Variants in THSD4 observed in about 807,000 individuals in gnomAD.
The protein encoded by THSD4 is thrombospondin type-1 domain-containing protein 4.
Under a neutral mutation model 119.0 loss-of-function variants are expected in THSD4, and 69 were observed. That is an observed-to-expected ratio of 0.58 (90% CI 0.48 to 0.71). The LOEUF (loss-of-function observed/expected upper bound fraction) is 0.71, where lower values mean the gene tolerates loss of function less well. Ranked by LOEUF, THSD4 falls within the 30% of genes least tolerant of loss-of-function variation. The pLI is 0.00. For synonymous variants in THSD4, 524 were observed against 540.4 expected (o/e 0.97, Z 0.42); for missense variants, 1,393 against 1,391.1 (o/e 1.00, Z -0.02).
intron 6 of THSD4, among the ~76,000 whole-genome samples, chr15:71,356,073 G>T (rs951710123): frequency 6.6e-5 from 10 of 152,026 alleles, no homozygotes; most frequent in African/African-American, 2.4e-4. Flanking sequence ...TCACCGTGTT[G>T]CCCAAACTGG....
chr15:71,528,715 G>A (rs1368609871), intron 7 of THSD4, among the ~76,000 whole-genome samples: 1 of 152,176 alleles, frequency 6.6e-6, no homozygotes, highest in Non-Finnish European at 1.5e-5. Context: ...AAAATCAACT[G>A]ATAGAGATGA....
intron 7 of THSD4, among the ~76,000 whole-genome samples, chr15:71,532,301 T>G (rs1294842176): frequency 9.0e-6 from 1 of 111,294 alleles, no homozygotes; most frequent in African/African-American, 2.9e-5. Flanking sequence ...TGTGTGTGTG[T>G]GTGTGTGTGT....
chr15:71,475,715 G>C (rs1288692643), intron 7 of THSD4, among the ~76,000 whole-genome samples: 1 of 152,170 alleles, frequency 6.6e-6, no homozygotes, highest in East Asian at 1.9e-4. Context: ...CTGAGGCCAG[G>C]AGTTCGAGAC....
At chr15:71,651,943 C>A (rs956750675) in intron 7 of THSD4, among the ~76,000 whole-genome samples, 43 of 152,320 alleles carry the variant, frequency 2.8e-4, no homozygotes, top group South Asian at 1.0e-3. Context: ...AAGATGCCGG[C>A]GTGAATCTCC....
intron 8 of THSD4, among the ~76,000 whole-genome samples, chr15:71,712,194 G>C (rs1248351617): frequency 6.6e-6 from 1 of 151,240 alleles, no homozygotes; most frequent in East Asian, 1.9e-4. Context: ...CTGGAAATCA[G>C]TAACAGAAAG....
At chr15:71,246,966 T>C (rs1057430344) in intron 5 of THSD4, among the ~76,000 whole-genome samples, 2 of 144,152 alleles carry the variant, frequency 1.4e-5, no homozygotes, top group Admixed American at 1.4e-4. Flanking sequence ...CTCAGGTCAC[T>C]ACAACCTCCA....
intron 7 of THSD4, among the ~76,000 whole-genome samples, chr15:71,457,521 G>T (rs2047357640): frequency 6.6e-6 from 1 of 151,976 alleles, no homozygotes; most frequent in Non-Finnish European, 1.5e-5. Context: ...TCCTTTCAAG[G>T]TCTGGCTCCT....
intron 1 of THSD4, chr15:71,110,217 C>G (rs1471130475): frequency 6.6e-6 from 1 of 152,176 alleles, no homozygotes; most frequent in Non-Finnish European, 1.5e-5. Flanking sequence ...GAGAGTCTCC[C>G]AGGAAGGAAA....
intron 7 of THSD4, among the ~76,000 whole-genome samples, chr15:71,659,270 C>T (rs1275525602): frequency 6.6e-6 from 1 of 152,190 alleles, no homozygotes; most frequent in East Asian, 1.9e-4. Context: ...CTTCCATCTG[C>T]TCATGGAAAA....
intron 6 of THSD4, among the ~76,000 whole-genome samples, chr15:71,340,877 G>A (rs886065836): frequency 6.6e-6 from 1 of 152,098 alleles, no homozygotes; most frequent in Non-Finnish European, 1.5e-5. Context: ...TAGGATTACA[G>A]GCGTGAGCCA....
intron 6 of THSD4, among the ~76,000 whole-genome samples, chr15:71,272,303 A>T (rs536458977): frequency 2.0e-4 from 30 of 150,268 alleles, no homozygotes; most frequent in Non-Finnish European, 4.4e-5. Context: ...CGGGAGGCCA[A>T]AGCCGAATTG....
At chr15:71,586,527 A>G (rs982648601) in intron 7 of THSD4, among the ~76,000 whole-genome samples, 5 of 152,158 alleles carry the variant, frequency 3.3e-5, no homozygotes, top group Non-Finnish European at 5.9e-5. Flanking sequence ...TGAGAGTCCT[A>G]AAGGCCACCC....
rs1260464998 is a variant in THSD4 at position 71,416,437 on chromosome 15, T to G, written c.1152+4614T>G. On this transcript the variant is annotated intron_variant, in intron 7 of 17. Coordinates refer to ENST00000261862, the MANE Select transcript of THSD4 (RefSeq NM_024817.3). Reference sequence around the variant, plus strand: ...GTTCTCTATAGTGGTTGTACTAACTTACATTCCCACCTACAGTGTAAGAGG... The same window carrying G: ...GTTCTCTATAGTGGTTGTACTAACTGACATTCCCACCTACAGTGTAAGAGG... 2.8e-5 allele frequency among the ~76,000 whole-genome samples: 3 copies of G among 108,274 alleles called. 1 individual carries two copies. The highest frequency in any genetic ancestry group is 9.4e-5 in the African/African-American group (3 of 31,816). The allele number at this position is 108,274 out of a possible 152,430, so 71.0% of individuals were successfully genotyped here.
chr15:71,689,047 A>G (rs1229486279), intron 8 of THSD4, among the ~76,000 whole-genome samples: 4 of 151,666 alleles, frequency 2.6e-5, no homozygotes, highest in Non-Finnish European at 2.9e-5. Context: ...GGATCCCCAC[A>G]CTCTGCAACT....
At chr15:71,584,200 T>C (rs990479876) in intron 7 of THSD4, among the ~76,000 whole-genome samples, 2 of 151,826 alleles carry the variant, frequency 1.3e-5, no homozygotes, top group African/African-American at 4.8e-5. Context: ...AAAGTCTATT[T>C]TAAGTATAGT....
intron 7 of THSD4, among the ~76,000 whole-genome samples, chr15:71,479,044 A>C (rs1173792191): frequency 1.3e-5 from 2 of 150,952 alleles, no homozygotes; most frequent in East Asian, 3.9e-4. Flanking sequence ...GTGGCAGTCG[A>C]GGGGAACAGA....
chr15:71,713,794 G>T (rs2052557905), intron 8 of THSD4, among the ~76,000 whole-genome samples: 1 of 152,140 alleles, frequency 6.6e-6, no homozygotes, highest in African/African-American at 2.4e-5. Context: ...AAATGATTAA[G>T]ATAGTACACT....
intron 8 of THSD4, among the ~76,000 whole-genome samples, chr15:71,709,007 T>C (rs547275394): frequency 3.3e-5 from 5 of 152,336 alleles, no homozygotes; most frequent in African/African-American, 1.2e-4. Context: ...TACCGTGGAC[T>C]GTGCAGTTAC....
At chr15:71,372,873 A>T (rs1251393980) in intron 6 of THSD4, among the ~76,000 whole-genome samples, 1 of 152,232 alleles carries the variant, frequency 6.6e-6, no homozygotes, top group Non-Finnish European at 1.5e-5. Context: ...CTGCCTGCAG[A>T]GGTGGAGTCT....
Sources: gnomAD v4.1 joint callset for allele counts (sites outside exome capture counted in the v4.1 genomes callset) on GRCh38, gnomAD v4.1.1 for gene constraint, MANE v1.5 for transcripts, NCBI Gene and HGNC (gene_info 2026-07-23, HGNC 2026-07-21) for gene names.